The following FILIP1L variants were observed in gnomAD, a reference collection of about 807,000 sequenced individuals.
FILIP1L encodes filamin A interacting protein 1 like.
A neutral mutation model predicts 96.6 loss-of-function variants in FILIP1L; 55 were observed. That is an observed-to-expected ratio of 0.57 (90% CI 0.46 to 0.71). FILIP1L has a LOEUF of 0.71. Among genes scored for constraint, FILIP1L ranks in the 30% least tolerant of loss-of-function variants. FILIP1L has a pLI of 0.00. For missense variants in FILIP1L, 1,304 were observed against 1,321.2 expected, an observed-to-expected ratio of 0.99 and a Z score of 0.20; for synonymous variants, 467 against 473.9, an observed-to-expected ratio of 0.99 and a Z score of 0.19.
chr3:99,951,815 ACT>A (rs1294509116), intron 1 of FILIP1L, among the ~76,000 whole-genome samples: 4 of 151,866 alleles, frequency 2.6e-5, no homozygotes, highest in African/African-American at 9.7e-5. Context: ...AACTACTCAA[ACT>A]CTATCTTTCC....
chr3:99,915,411 A>G (rs796824596), intron 4 of FILIP1L, among the ~76,000 whole-genome samples: 5 of 152,192 alleles, frequency 3.3e-5, no homozygotes, highest in Admixed American at 3.3e-4. Flanking sequence ...ATTTTTCATA[A>G]TAACTTTAGA....
At chr3:99,872,459 G>C (rs922804934) in intron 4 of FILIP1L, among the ~76,000 whole-genome samples, 2 of 151,950 alleles carry the variant, frequency 1.3e-5, no homozygotes, top group Admixed American at 6.6e-5. Context: ...CTTTAGGCTA[G>C]AATAAGTAGT....
At chr3:99,981,629 G>A (rs1280851416) in intron 1 of FILIP1L, among the ~76,000 whole-genome samples, 2 of 152,154 alleles carry the variant, frequency 1.3e-5, no homozygotes, top group African/African-American at 2.4e-5. Context: ...CGTTTTGCAA[G>A]TGGAAAATTG....
At chr3:99,947,142 A>AAAG in intron 1 of FILIP1L, among the ~76,000 whole-genome samples, 1 of 151,140 alleles carries the variant, frequency 6.6e-6, no homozygotes, top group Non-Finnish European at 1.5e-5. Context: ...TGTCTCAAAA[A>AAAG]AAAAAAAAAA....
intron 1 of FILIP1L, among the ~76,000 whole-genome samples, chr3:100,106,373 A>G (rs745518984): frequency 1.2e-4 from 19 of 152,130 alleles, no homozygotes; most frequent in Non-Finnish European, 2.5e-4. Flanking sequence ...GATCTGTTCC[A>G]AGGACCCTCC....
intron 1 of FILIP1L, among the ~76,000 whole-genome samples, chr3:99,971,301 C>T (rs1708813324): frequency 6.8e-6 from 1 of 146,834 alleles, no homozygotes; most frequent in East Asian, 2.0e-4. Context: ...GATCGTGCCA[C>T]TGCCCACCAG....
chr3:99,936,880 C>G (rs1462216407), intron 1 of FILIP1L, among the ~76,000 whole-genome samples: 1 of 152,078 alleles, frequency 6.6e-6, no homozygotes, highest in East Asian at 1.9e-4. Context: ...TGAAATGAAG[C>G]CCTACTATGT....
intron 1 of FILIP1L, among the ~76,000 whole-genome samples, chr3:99,975,136 A>G (rs551235454): frequency 1.3e-5 from 2 of 152,210 alleles, no homozygotes; most frequent in Non-Finnish European, 2.9e-5. Flanking sequence ...CAGGCATTCA[A>G]CTTCCACCTG....
chr3:99,844,811 G>A (rs1458348119), intron 5 of FILIP1L, among the ~76,000 whole-genome samples: 1 of 152,146 alleles, frequency 6.6e-6, no homozygotes, highest in East Asian at 1.9e-4. Flanking sequence ...GTTCTCATGA[G>A]ACCTGATGGT....
chr3:100,014,623 C>T (rs186154143), intron 1 of FILIP1L, among the ~76,000 whole-genome samples: 127 of 152,010 alleles, frequency 8.4e-4, no homozygotes, highest in Admixed American at 1.8e-3. Context: ...TACCTGTTGG[C>T]CATTTGGATG....
intron 1 of FILIP1L, among the ~76,000 whole-genome samples, chr3:99,940,711 T>C (rs1194840020): frequency 6.6e-6 from 1 of 152,238 alleles, no homozygotes; most frequent in Non-Finnish European, 1.5e-5. Flanking sequence ...TACAAATTTT[T>C]ATTTTTGTGA....
chr3:99,904,768 C>A (rs370542373), intron 4 of FILIP1L, among the ~76,000 whole-genome samples: 1 of 152,160 alleles, frequency 6.6e-6, no homozygotes, highest in Admixed American at 6.5e-5. Flanking sequence ...TTCTATCCAT[C>A]CTCTTTTGCT....
chr3:99,939,665 C>A (rs1488403557), intron 1 of FILIP1L, among the ~76,000 whole-genome samples: 4 of 152,080 alleles, frequency 2.6e-5, no homozygotes, highest in African/African-American at 7.2e-5. Flanking sequence ...AGTATGGATC[C>A]AAAAATTTGA....
intron 4 of FILIP1L, among the ~76,000 whole-genome samples, chr3:99,902,650 TA>T (rs1359527861): frequency 6.6e-6 from 1 of 152,158 alleles, no homozygotes; most frequent in Middle Eastern, 3.2e-3. Context: ...CCAAAAAGAT[TA>T]ACAAGTCAAC....
At chr3:99,899,373 AC>A (rs201179226) in intron 4 of FILIP1L, among the ~76,000 whole-genome samples, 1,718 of 152,332 alleles carry the variant, frequency 0.011, 18 homozygotes, top group African/African-American at 0.025. Flanking sequence ...AATGAGCATA[AC>A]TAATGCACTA....
intron 4 of FILIP1L, among the ~76,000 whole-genome samples, chr3:99,913,116 GC>G (rs1706843855): frequency 6.6e-6 from 1 of 152,140 alleles, no homozygotes; most frequent in African/African-American, 2.4e-5. Flanking sequence ...CCAGAAGAGG[GC>G]CCTTACCAGA....
In FILIP1L at chr3:100,064,001, A is replaced by G. The variant is rs560122618; in HGVS notation, c.-11+50052T>C. The stretch of plus-strand genomic sequence containing the variant: ...CTGAATGTTCACACTTAAGGTTGGA[A>G]AAGTTGCTTCTAGTTCTCCTCTCAA... On this transcript the variant is annotated intron_variant, in intron 1 of 5. Coordinates refer to ENST00000477258, the MANE Select transcript of FILIP1L (RefSeq NM_001387850.1). Among the ~76,000 whole-genome samples, 12 of 152,322 alleles carry G rather than the reference A, an allele frequency of 7.9e-5. No individual in the cohort carries two copies. The South Asian group carries it at 1.9e-3, about 24-fold the overall frequency.
At chr3:100,032,661 T>C (rs1432084073) in intron 1 of FILIP1L, among the ~76,000 whole-genome samples, 1 of 152,224 alleles carries the variant, frequency 6.6e-6, no homozygotes. Context: ...AAAGAACCTG[T>C]AAATGTAAAA....
chr3:99,935,928 G>A (rs1044582613), intron 1 of FILIP1L, among the ~76,000 whole-genome samples: 1 of 152,176 alleles, frequency 6.6e-6, no homozygotes, highest in Non-Finnish European at 1.5e-5. Flanking sequence ...ATGGCCAAAT[G>A]TAAATAGAAG....
Sources: allele counts gnomAD v4.1 joint callset (sites outside exome capture counted in the v4.1 genomes callset), GRCh38; gene constraint gnomAD v4.1.1; transcripts MANE v1.5; gene names NCBI Gene and HGNC (gene_info 2026-07-23, HGNC 2026-07-21).